LDLRAD4: variants seen among roughly 807,000 people sequenced by gnomAD.
LDLRAD4 encodes the protein low density lipoprotein receptor class A domain containing 4.
LDLRAD4 carries 5 observed loss-of-function variants against 17.0 expected under a neutral mutation model. The ratio of observed to expected loss-of-function variants is 0.29; its 90% CI spans 0.15 to 0.62. The LOEUF (loss-of-function observed/expected upper bound fraction) is 0.62, where lower values mean the gene tolerates loss of function less well. LDLRAD4 is among the 20% of genes least tolerant of loss of function. LDLRAD4 has a pLI of 0.84. For missense variants in LDLRAD4, 340 were observed against 424.7 expected (o/e 0.80, Z 1.75); for synonymous variants, 168 against 171.8 (o/e 0.98, Z 0.17).
chr18:13,459,673 G>A (rs1461244920), intron 3 of LDLRAD4, among the ~76,000 whole-genome samples: 3 of 152,090 alleles, frequency 2.0e-5, no homozygotes, highest in African/African-American at 2.4e-5. Context: ...GTGAGCCACC[G>A]CACCCGGTCA....
chr18:13,312,229 A>C (rs1045442897), intron 1 of LDLRAD4, among the ~76,000 whole-genome samples: 1 of 152,188 alleles, frequency 6.6e-6, no homozygotes, highest in African/African-American at 2.4e-5. Context: ...CATGCACACA[A>C]TCATTAATAA....
intron 1 of LDLRAD4, among the ~76,000 whole-genome samples, chr18:13,286,922 G>A (rs1039628230): frequency 2.0e-5 from 3 of 152,218 alleles, no homozygotes; most frequent in African/African-American, 7.2e-5. Flanking sequence ...GGATTGCAGA[G>A]TGACTTTTGG....
At chr18:13,491,888 A>ATTGGTG (rs2093365411) in intron 3 of LDLRAD4, among the ~76,000 whole-genome samples, 1 of 152,194 alleles carries the variant, frequency 6.6e-6, no homozygotes, top group Non-Finnish European at 1.5e-5. Context: ...AATTTGCAGA[A>ATTGGTG]CACCACCGGG....
At chr18:13,510,915 A>G (rs1004607119) in intron 3 of LDLRAD4, among the ~76,000 whole-genome samples, 1 of 152,250 alleles carries the variant, frequency 6.6e-6, no homozygotes, top group African/African-American at 2.4e-5. Flanking sequence ...AACACAAAAC[A>G]AAACAGGAAG....
chr18:13,249,162 T>C (rs2043112437), intron 1 of LDLRAD4, among the ~76,000 whole-genome samples: 1 of 152,246 alleles, frequency 6.6e-6, no homozygotes, highest in Non-Finnish European at 1.5e-5. Context: ...GTGGATCACC[T>C]AGGTTGATTC....
At chr18:13,247,074 G>A (rs958805674) in intron 1 of LDLRAD4, among the ~76,000 whole-genome samples, 10 of 151,906 alleles carry the variant, frequency 6.6e-5, no homozygotes, top group Non-Finnish European at 1.2e-4. Flanking sequence ...AAACATATCC[G>A]TTCTCACCAG....
chr18:13,265,304 C>A (rs1458422364), intron 1 of LDLRAD4, among the ~76,000 whole-genome samples: 3 of 152,206 alleles, frequency 2.0e-5, no homozygotes, highest in Non-Finnish European at 4.4e-5. Context: ...GCAGGGCTGA[C>A]CTGTCACTGC....
Position 13,638,936 on chromosome 18 carries a change from C to A in LDLRAD4, c.337-4423C>A, listed in dbSNP as rs531851098. 2.0e-5 allele frequency among the ~76,000 whole-genome samples: 3 copies of A among 152,268 alleles called. No homozygotes were observed. In the South Asian group the frequency reaches 6.2e-4, roughly 32 times the overall value. On this transcript the variant is annotated intron_variant, in intron 4 of 5. Coordinates refer to ENST00000359446, the Ensembl canonical transcript of LDLRAD4. ...CTGAGACCCGCTGCAAGGAAGTATT[C>A]CGTACATGTATAGTGAGGTCATTAA...
At chr18:13,617,569 G>A (rs948581102) in intron 3 of LDLRAD4, among the ~76,000 whole-genome samples, 1 of 152,196 alleles carries the variant, frequency 6.6e-6, no homozygotes, top group African/African-American at 2.4e-5. Context: ...GAAACTCATG[G>A]TGAAGTTTCA....
intron 3 of LDLRAD4, among the ~76,000 whole-genome samples, chr18:13,468,185 T>C (rs527469541): frequency 6.6e-6 from 1 of 152,286 alleles, no homozygotes; most frequent in African/African-American, 2.4e-5. Flanking sequence ...AAAGACATTA[T>C]TAAGAGAGTA....
intron 3 of LDLRAD4, among the ~76,000 whole-genome samples, chr18:13,475,787 C>A (rs1600657586): frequency 6.6e-6 from 1 of 152,198 alleles, no homozygotes; most frequent in African/African-American, 2.4e-5. Context: ...CTGTGTGGTG[C>A]AAATAATAAA....
chr18:13,567,902 T>A (rs139543938), intron 3 of LDLRAD4, among the ~76,000 whole-genome samples: 1 of 152,358 alleles, frequency 6.6e-6, no homozygotes, highest in East Asian at 1.9e-4. Flanking sequence ...GTGGATTTTT[T>A]GTTATAGTGG....
At chr18:13,632,766 C>G (rs1359651789) in intron 4 of LDLRAD4, among the ~76,000 whole-genome samples, 4 of 152,238 alleles carry the variant, frequency 2.6e-5, no homozygotes, top group Admixed American at 2.6e-4. Flanking sequence ...GAATGAGGTA[C>G]ATGGACAACT....
intron 4 of LDLRAD4, among the ~76,000 whole-genome samples, chr18:13,625,192 A>G (rs2041022886): frequency 2.0e-5 from 3 of 152,214 alleles, no homozygotes; most frequent in African/African-American, 4.8e-5. Context: ...CCATGAGCAC[A>G]TTAGAAAATG....
At chr18:13,550,061 G>A (rs1391290369) in intron 3 of LDLRAD4, among the ~76,000 whole-genome samples, 1 of 152,162 alleles carries the variant, frequency 6.6e-6, no homozygotes. Context: ...CATTGGCCAC[G>A]TGCCCACACA....
At chr18:13,641,420 T>C (rs186077999) in intron 4 of LDLRAD4, among the ~76,000 whole-genome samples, 1 of 152,300 alleles carries the variant, frequency 6.6e-6, no homozygotes, top group Non-Finnish European at 1.5e-5. Flanking sequence ...ATGGATAGAT[T>C]AGATGGATGA....
intron 1 of LDLRAD4, among the ~76,000 whole-genome samples, chr18:13,345,442 A>G (rs1646014229): frequency 6.6e-6 from 1 of 152,192 alleles, no homozygotes; most frequent in Non-Finnish European, 1.5e-5. Flanking sequence ...CCACTTGATC[A>G]TGGTGGATAA....
Position 13,446,755 on chromosome 18 carries a change from G to A in LDLRAD4, c.181+8371G>A, listed in dbSNP as rs188635590. On this transcript the variant is annotated intron_variant, in intron 3 of 5. Coordinates refer to ENST00000359446, the Ensembl canonical transcript of LDLRAD4. ...CTCTGTTTCTGCCATCACCATCCCC[G>A]CTTCACCTGCTGCGGGCGCCAAGAG... 5.9e-3 allele frequency among the ~76,000 whole-genome samples: 903 copies of A among 152,336 alleles called. 35 individuals are homozygous for A. The highest frequency in any genetic ancestry group is 0.053 in the Admixed American group (818 of 15,306).
rs550988771 is a variant in LDLRAD4 at position 13,574,620 on chromosome 18, G to C, written c.182-46497G>C. ...TCGCTGCCTGAGAGCCCCCGGCTTT[G>C]ACGCTCATGGAGCCCTGGCATTGAG... On this transcript the variant is annotated intron_variant, in intron 3 of 5. Transcript: ENST00000359446. Among the ~76,000 whole-genome samples the C allele has an allele frequency of 3.9e-5, 6 of 152,292 alleles. No individual in the cohort carries two copies. The East Asian group carries it at 1.2e-3, about 29-fold the overall frequency.
Sources: allele counts gnomAD v4.1 joint callset (sites outside exome capture counted in the v4.1 genomes callset), GRCh38; gene constraint gnomAD v4.1.1; transcripts MANE v1.5; gene names NCBI Gene and HGNC (gene_info 2026-07-23, HGNC 2026-07-21).